Variants in TTC7A observed in about 807,000 individuals in gnomAD.
TTC7A encodes the protein tetratricopeptide repeat domain 7A.
In TTC7A, 110 loss-of-function variants were observed where a neutral mutation model predicts 103.7. The observed-to-expected ratio is 1.06, with a 90% CI of 0.91 to 1.24. The LOEUF is 1.24. Among genes scored for constraint, TTC7A ranks in the 50% most tolerant of loss-of-function variants. TTC7A has a pLI of 0.00. For missense variants in TTC7A, 1,340 were observed against 1,116.3 expected (o/e 1.20, Z -2.86); for synonymous variants, 521 against 467.9 (o/e 1.11, Z -1.47).
chr2:46,920,279 GTTGT>G (rs1263813040), intron 2 of TTC7A, among the ~76,000 whole-genome samples: 4 of 151,994 alleles, frequency 2.6e-5, no homozygotes, highest in Non-Finnish European at 5.9e-5. Flanking sequence ...TCATGTTGTT[GTTGT>G]TTGGAGTTTT....
At chr2:47,011,579 G>A (rs1678058669) in intron 11 of TTC7A, 144 bp downstream of exon 11, 1 of 649,870 alleles carries the variant, frequency 1.5e-6, no homozygotes, top group African/African-American at 1.8e-5. Flanking sequence ...CCTGGGCAGG[G>A]AGAAAGTCTC....
rs879783700 is a variant in TTC7A at position 47,074,255 on chromosome 2, T to TG, written c.*338dup. 15 of 363,230 alleles carry TG rather than the reference T, an allele frequency of 4.1e-5. No homozygotes were observed. The highest frequency in any genetic ancestry group is 1.8e-4 in the Admixed American group (4 of 22,838). 22.5% of individuals were successfully genotyped at this position (363,230 alleles called of 1,614,324 possible). On this transcript the variant is annotated 3_prime_UTR_variant, in exon 20 of 20. Coordinates refer to ENST00000319190, the MANE Select transcript of TTC7A (RefSeq NM_020458.4). Reference sequence around the variant, plus strand: ...CCATGCCTCTGGCTTGGAGTCTGGGTGGGGGGTTCTCACTCCCCACTCTCA... The same window carrying TG: ...CCATGCCTCTGGCTTGGAGTCTGGGTGGGGGGGTTCTCACTCCCCACTCTCA...
chr2:46,959,976 AAGAT>A (rs1156916566), intron 3 of TTC7A, among the ~76,000 whole-genome samples: 4 of 152,218 alleles, frequency 2.6e-5, no homozygotes, highest in Non-Finnish European at 5.9e-5. Flanking sequence ...TTCCCCCACT[AAGAT>A]AGAAAAATAA....
In TTC7A at chr2:47,074,840, T is replaced by C. The variant is rs910003840; in HGVS notation, c.*917T>C. 3.3e-5 allele frequency: 5 copies of C among 152,184 alleles called. No individual in the cohort carries two copies. The highest frequency in any genetic ancestry group is 9.7e-5 in the African/African-American group (4 of 41,422). The allele number at this position is 152,184 out of a possible 1,614,324, so 9.4% of individuals were successfully genotyped here. A position where few individuals can be genotyped will look rare whatever the true frequency, so the allele number is the denominator to read the frequency against. On this transcript the variant is annotated 3_prime_UTR_variant, in exon 20 of 20. Coordinates refer to ENST00000319190, the MANE Select transcript of TTC7A (RefSeq NM_020458.4). ...GGGACAGAGCCCAGCCCCTCTCCTGTGGCTGAGCAGGCCTCTGTGTCCATG... is the reference window on the plus strand; with the variant it reads ...GGGACAGAGCCCAGCCCCTCTCCTGCGGCTGAGCAGGCCTCTGTGTCCATG...
chr2:47,047,936 C>T (rs914848912), intron 16 of TTC7A, among the ~76,000 whole-genome samples: 21 of 152,214 alleles, frequency 1.4e-4, no homozygotes, highest in Non-Finnish European at 1.0e-4. Context: ...ATCCAGGCTC[C>T]TGGTCCAGAT....
chr2:47,040,806 G>A (rs1681654426), intron 15 of TTC7A, among the ~76,000 whole-genome samples: 1 of 152,240 alleles, frequency 6.6e-6, no homozygotes, highest in Admixed American at 6.5e-5. Flanking sequence ...TTGTACAGGT[G>A]TGGGACCTGT....
At chr2:47,011,511 C>T (rs1033107447) in intron 11 of TTC7A, 76 bp downstream of exon 11, 17 of 1,183,456 alleles carry the variant, frequency 1.4e-5, no homozygotes, top group Admixed American at 6.1e-5. Context: ...CACGTCTTGA[C>T]GTGTATGTGT....
chr2:46,955,093 G>A (rs1164880597), intron 2 of TTC7A, among the ~76,000 whole-genome samples: 2 of 152,194 alleles, frequency 1.3e-5, no homozygotes, highest in African/African-American at 2.4e-5. Context: ...TATTTATCTT[G>A]CTCTTTTCCA....
intron 3 of TTC7A, among the ~76,000 whole-genome samples, chr2:46,957,504 G>A (rs2104024374): frequency 6.6e-6 from 1 of 152,332 alleles, no homozygotes; most frequent in East Asian, 1.9e-4. Context: ...CACCTGCTGT[G>A]AGTGGCCCAG....
In TTC7A at chr2:47,005,902, A is replaced by C; in HGVS notation, c.1066-20A>C. ...TTATCTACTCTCCTCACTCTTTCCC[A>C]AACAATGTCCCACCCACAGGCAACT... On this transcript the variant is annotated intron_variant, in intron 8 of 19. Transcript: ENST00000319190. 1.2e-6 allele frequency: 2 copies of C among 1,613,772 alleles called. No individual in the cohort carries two copies. Among genetic ancestry groups the C allele is most frequent in the East Asian group, 2.2e-5 (1 of 44,868 alleles).
intron 19 of TTC7A, among the ~76,000 whole-genome samples, chr2:47,064,675 C>A (rs906877604): frequency 4.6e-5 from 7 of 152,110 alleles, no homozygotes; most frequent in African/African-American, 1.7e-4. Context: ...CCAGGGAGTC[C>A]CAACAGTGAC....
intron 2 of TTC7A, chr2:46,917,422 CTT>C (rs1347307120): frequency 3.5e-6 from 2 of 564,584 alleles, no homozygotes; most frequent in Admixed American, 3.5e-5. Context: ...TCATCCATCT[CTT>C]CATCCATTCA....
chr2:47,030,425 C>A (rs550147003), intron 15 of TTC7A, among the ~76,000 whole-genome samples: 1 of 152,308 alleles, frequency 6.6e-6, no homozygotes, highest in East Asian at 1.9e-4. Context: ...GGTTTTCCTG[C>A]ATCCTTGGCC....
chr2:46,960,845 T>G (rs1319177928), intron 3 of TTC7A, among the ~76,000 whole-genome samples: 1 of 117,642 alleles, frequency 8.5e-6, no homozygotes, highest in Non-Finnish European at 1.8e-5. Context: ...TACAGTTGCC[T>G]CCAAGATGGG....
At chr2:46,976,051 CG>C (rs944407321) in intron 4 of TTC7A, among the ~76,000 whole-genome samples, 38 of 152,134 alleles carry the variant, frequency 2.5e-4, no homozygotes, top group Non-Finnish European at 5.9e-5. Context: ...TTTTTCCCTC[CG>C]CATCTTAATA....
At chr2:47,057,084 C>T (rs1683384989) in intron 18 of TTC7A, among the ~76,000 whole-genome samples, 1 of 152,224 alleles carries the variant, frequency 6.6e-6, no homozygotes, top group Non-Finnish European at 1.5e-5. Flanking sequence ...CCCAGGGCTA[C>T]TGCAGCTATC....
chr2:46,934,348 T>C (rs1471812646), intron 2 of TTC7A, among the ~76,000 whole-genome samples: 4 of 152,218 alleles, frequency 2.6e-5, no homozygotes, highest in Non-Finnish European at 5.9e-5. Context: ...AACCTCTGCC[T>C]TCCGGGTTCA....
At chr2:46,995,439 A>T (rs1676083680) in intron 8 of TTC7A, among the ~76,000 whole-genome samples, 1 of 152,236 alleles carries the variant, frequency 6.6e-6, no homozygotes, top group Non-Finnish European at 1.5e-5. Context: ...GTAGAGACTG[A>T]GTGCCTAAGT....
At chr2:46,977,465 C>G (rs2104254846) in intron 4 of TTC7A, among the ~76,000 whole-genome samples, 1 of 152,288 alleles carries the variant, frequency 6.6e-6, no homozygotes, top group African/African-American at 2.4e-5. Context: ...CAGGAGGACC[C>G]TGTTAGAGCT....
Sources: allele counts gnomAD v4.1 joint callset (sites outside exome capture counted in the v4.1 genomes callset), GRCh38; gene constraint gnomAD v4.1.1; transcripts MANE v1.5; gene names NCBI Gene and HGNC (gene_info 2026-07-23, HGNC 2026-07-21).